The following TMEM132B variants were observed in gnomAD, a reference collection of about 807,000 sequenced individuals.
TMEM132B encodes transmembrane protein 132B.
A neutral mutation model predicts 90.8 loss-of-function variants in TMEM132B; 18 were observed. That is an observed-to-expected ratio of 0.20 (90% confidence interval 0.14 to 0.29). TMEM132B has a LOEUF of 0.29. Ranked by LOEUF, TMEM132B falls within the 10% of genes least tolerant of loss-of-function variation. The pLI, the probability that TMEM132B is intolerant of heterozygous loss-of-function variation, is 1.00. For missense variants in TMEM132B, 1,096 were observed against 1,326.8 expected, an observed-to-expected ratio of 0.83 and a Z score of 2.70; for synonymous variants, 504 against 523.3, an observed-to-expected ratio of 0.96 and a Z score of 0.50.
chr12:125,236,702 A>G (rs1873944111), intron 1 of TMEM132B, among the ~76,000 whole-genome samples: 1 of 152,120 alleles, frequency 6.6e-6, no homozygotes, highest in African/African-American at 2.4e-5. Context: ...GCCCCACCTG[A>G]TGTATCCTGC....
At chr12:125,645,981 C>A (rs1018142452) in intron 6 of TMEM132B, among the ~76,000 whole-genome samples, 3 of 152,146 alleles carry the variant, frequency 2.0e-5, no homozygotes, top group African/African-American at 4.8e-5. Context: ...TTAGTAGAAA[C>A]GTGGGTGTTA....
intron 3 of TMEM132B, among the ~76,000 whole-genome samples, chr12:125,446,797 T>A (rs576819372): frequency 6.6e-6 from 1 of 152,304 alleles, no homozygotes; most frequent in Admixed American, 6.5e-5. Context: ...TGCAGCCGAA[T>A]AAAAACCAAG....
At chr12:125,555,569 T>A (rs1000347367) in intron 4 of TMEM132B, among the ~76,000 whole-genome samples, 49 of 90,218 alleles carry the variant, frequency 5.4e-4, no homozygotes, top group Non-Finnish European at 9.4e-4. Flanking sequence ...TGTTGTGGGG[T>A]GGGGGGTGGG....
intron 1 of TMEM132B, among the ~76,000 whole-genome samples, chr12:125,247,889 A>G (rs913710681): frequency 4.6e-5 from 7 of 152,118 alleles, no homozygotes; most frequent in African/African-American, 1.7e-4. Flanking sequence ...TTTCCAGCCA[A>G]TTAACTCACT....
chr12:125,244,777 C>T (rs572125250), intron 1 of TMEM132B, among the ~76,000 whole-genome samples: 15 of 152,306 alleles, frequency 9.8e-5, no homozygotes, highest in Admixed American at 4.6e-4. Context: ...TCTAGGCAGC[C>T]GTTGCAGGAT....
At position 125,484,496 on chromosome 12, in the gene TMEM132B, G is replaced by C. The variant is rs116421063; in HGVS notation, c.1107-34943G>C. On this transcript the variant is annotated intron_variant, in intron 3 of 8. Coordinates refer to ENST00000682704, the MANE Select transcript of TMEM132B (RefSeq NM_001366854.1). ...GCTCCCTCCTGGGACTTTGAGTCTT[G>C]AGTAGATTGCTGCAGGCTTGGACAA... 1.4e-3 allele frequency among the ~76,000 whole-genome samples: 215 copies of C among 152,256 alleles called. 1 individual carries two copies. Among genetic ancestry groups the C allele is most frequent in the African/African-American group, 5.0e-3 (207 of 41,546 alleles).
intron 3 of TMEM132B, among the ~76,000 whole-genome samples, chr12:125,456,937 C>T (rs1457103121): frequency 3.9e-5 from 6 of 152,162 alleles, no homozygotes; most frequent in African/African-American, 1.2e-4. Flanking sequence ...CTCTCCTGTC[C>T]CATTTCCTTT....
chr12:125,450,048 AAC>A (rs1881109130), intron 3 of TMEM132B, among the ~76,000 whole-genome samples: 1 of 152,192 alleles, frequency 6.6e-6, no homozygotes, highest in Admixed American at 6.5e-5. Context: ...ATGTATGTTT[AAC>A]TGTATGTGTA....
chr12:125,223,150 A>G (rs1307605130), intron 1 of TMEM132B, among the ~76,000 whole-genome samples: 1 of 152,392 alleles, frequency 6.6e-6, no homozygotes, highest in Admixed American at 6.5e-5. Context: ...AGAAAAGGAA[A>G]TCGACGAAAC....
intron 3 of TMEM132B, among the ~76,000 whole-genome samples, chr12:125,499,151 T>G (rs1323279222): frequency 6.6e-6 from 1 of 152,212 alleles, no homozygotes; most frequent in African/African-American, 2.4e-5. Context: ...CCAAAGCATA[T>G]CTGCTGTCTG....
At chr12:125,216,828 C>T (rs529133593) in intron 1 of TMEM132B, among the ~76,000 whole-genome samples, 93 of 152,292 alleles carry the variant, frequency 6.1e-4, no homozygotes, top group African/African-American at 2.1e-3. Context: ...CCCAGGGGCT[C>T]GGGTGGGTCC....
rs1875733637 is a variant in TMEM132B at position 125,298,680 on chromosome 12, A to AG, written c.68-50772_68-50771insG. On this transcript the variant is annotated intron_variant, in intron 1 of 8. Coordinates refer to ENST00000682704, the MANE Select transcript of TMEM132B (RefSeq NM_001366854.1). ...CAGAGTGAGACTCTGTCTCAAAAAA[A>AG]AAAAAAAAAGTGTTACATCTACTCC... Among the ~76,000 whole-genome samples the AG allele has an allele frequency of 1.3e-5, 2 of 148,540 alleles. 1 individual carries two copies. Among genetic ancestry groups the AG allele is most frequent in the South Asian group, 4.3e-4 (2 of 4,626 alleles).
chr12:125,450,022 G>A (rs544292713), intron 3 of TMEM132B, among the ~76,000 whole-genome samples: 1 of 152,238 alleles, frequency 6.6e-6, no homozygotes, highest in South Asian at 2.1e-4. Context: ...ATTTGTACCT[G>A]TATATATGGG....
chr12:125,354,403 A>G (rs1473754542), intron 2 of TMEM132B, among the ~76,000 whole-genome samples: 1 of 152,164 alleles, frequency 6.6e-6, no homozygotes, highest in Non-Finnish European at 1.5e-5. Context: ...GCAAATTAGA[A>G]CTAGCTGGTT....
chr12:125,542,846 A>G (rs891271070), intron 4 of TMEM132B, among the ~76,000 whole-genome samples: 1 of 152,188 alleles, frequency 6.6e-6, no homozygotes, highest in Admixed American at 6.5e-5. Flanking sequence ...TTTTGAGTAT[A>G]TTGGAGAGCA....
chr12:125,581,205 G>T (rs757190214), intron 4 of TMEM132B, among the ~76,000 whole-genome samples: 1 of 152,138 alleles, frequency 6.6e-6, no homozygotes, highest in Non-Finnish European at 1.5e-5. Flanking sequence ...TTTGAAGGCT[G>T]TGAGCTTCTA....
intron 4 of TMEM132B, among the ~76,000 whole-genome samples, chr12:125,559,397 C>T (rs1455112044): frequency 6.6e-6 from 1 of 152,164 alleles, no homozygotes; most frequent in Admixed American, 6.5e-5. Context: ...CCAAGTTCTT[C>T]CCTTTATCAC....
chr12:125,330,433 AG>A (rs1876732881), intron 1 of TMEM132B, among the ~76,000 whole-genome samples: 1 of 151,464 alleles, frequency 6.6e-6, no homozygotes, highest in African/African-American at 2.4e-5. Context: ...TCAAGAAAAA[AG>A]TTAAGTACTT....
intron 6 of TMEM132B, among the ~76,000 whole-genome samples, chr12:125,648,805 C>T (rs1465581080): frequency 6.6e-6 from 1 of 152,094 alleles, no homozygotes; most frequent in Non-Finnish European, 1.5e-5. Flanking sequence ...CACAAATGGT[C>T]AACTAGTGTC....
Sources: gnomAD v4.1 joint callset for allele counts (sites outside exome capture counted in the v4.1 genomes callset) on GRCh38, gnomAD v4.1.1 for gene constraint, MANE v1.5 for transcripts, NCBI Gene and HGNC (gene_info 2026-07-23, HGNC 2026-07-21) for gene names.